ACYP2: variants seen among roughly 807,000 people sequenced by gnomAD.
The protein encoded by ACYP2 is acylphosphatase-2.
ACYP2 carries 12 observed loss-of-function variants against 11.2 expected under a neutral mutation model. The ratio of observed to expected loss-of-function variants is 1.08; its 90% CI spans 0.69 to 1.74. ACYP2 has a LOEUF of 1.74. Among genes scored for constraint, ACYP2 ranks in the 40% most tolerant of loss-of-function variants. ACYP2 has a pLI of 0.00. For missense variants in ACYP2, 134 were observed against 101.9 expected, an observed-to-expected ratio of 1.31 and a Z score of -1.35; for synonymous variants, 43 against 32.2, an observed-to-expected ratio of 1.33 and a Z score of -1.13.
At chr2:54,241,326 C>A (rs1686721403) in intron 6 of ACYP2, among the ~76,000 whole-genome samples, 2 of 152,264 alleles carry the variant, frequency 1.3e-5, no homozygotes, top group African/African-American at 4.8e-5. Context: ...TCTTGGACTG[C>A]TCTAAAAATT....
At chr2:53,989,547 T>A (rs1175600802) in intron 2 of ACYP2, among the ~76,000 whole-genome samples, 1 of 152,136 alleles carries the variant, frequency 6.6e-6, no homozygotes, top group African/African-American at 2.4e-5. Flanking sequence ...CTGAACCCAC[T>A]TGCTAGATTC....
At chr2:54,067,972 T>C (rs1676828095) in intron 4 of ACYP2, among the ~76,000 whole-genome samples, 1 of 152,204 alleles carries the variant, frequency 6.6e-6, no homozygotes, top group Non-Finnish European at 1.5e-5. Context: ...AGCAAAACAT[T>C]GAGGGAAGGA....
At chr2:54,007,427 G>C (rs1369436641) in intron 2 of ACYP2, among the ~76,000 whole-genome samples, 1 of 151,846 alleles carries the variant, frequency 6.6e-6, no homozygotes, top group Non-Finnish European at 1.5e-5. Flanking sequence ...CTAATTTTTT[G>C]TATTTTTAGC....
At chr2:54,114,787 A>C (rs939240260) in intron 4 of ACYP2, among the ~76,000 whole-genome samples, 3 of 152,094 alleles carry the variant, frequency 2.0e-5, no homozygotes, top group African/African-American at 7.2e-5. Flanking sequence ...AAAAGACTTC[A>C]TATTTTTAAA....
chr2:54,256,573 T>TTCTTCCAGTATAGGTATTACAAATATTTC (rs1346737589), intron 6 of ACYP2, among the ~76,000 whole-genome samples: 13 of 152,338 alleles, frequency 8.5e-5, no homozygotes, highest in East Asian at 1.9e-4. Context: ...TAGTCAGTCA[T>TTCTTCCAGTATAGGTATTACAAATATTTC]TCTTCCAGTA....
chr2:54,021,858 C>T (rs1395268434), intron 2 of ACYP2, among the ~76,000 whole-genome samples: 1 of 152,062 alleles, frequency 6.6e-6, no homozygotes, highest in African/African-American at 2.4e-5. Flanking sequence ...TTAGTTGAAC[C>T]ATCTGGGCAA....
chr2:53,989,685 T>TG (rs1558455882), intron 2 of ACYP2, among the ~76,000 whole-genome samples: 1 of 152,218 alleles, frequency 6.6e-6, no homozygotes. Flanking sequence ...TTAGCCACTA[T>TG]GTACTTTGTG....
At chr2:54,151,973 A>G (rs1425138210) in intron 6 of ACYP2, among the ~76,000 whole-genome samples, 1 of 152,016 alleles carries the variant, frequency 6.6e-6, no homozygotes, top group African/African-American at 2.4e-5. Context: ...GTTTCCATAT[A>G]TTTCCTCACA....
At chr2:54,114,393 A>G (rs2103724035) in intron 4 of ACYP2, among the ~76,000 whole-genome samples, 1 of 151,832 alleles carries the variant, frequency 6.6e-6, no homozygotes, top group East Asian at 1.9e-4. Context: ...AAAAAAAAAA[A>G]AAAAAAAAGG....
chr2:54,222,388 A>G (rs1310261529), intron 6 of ACYP2, among the ~76,000 whole-genome samples: 3 of 152,018 alleles, frequency 2.0e-5, no homozygotes, highest in Non-Finnish European at 2.9e-5. Flanking sequence ...CGTCTCTACT[A>G]AAAATACAAA....
intron 6 of ACYP2, among the ~76,000 whole-genome samples, chr2:54,244,462 A>G (rs578226422): frequency 6.6e-6 from 1 of 151,568 alleles, no homozygotes; most frequent in East Asian, 2.0e-4. Context: ...TCAGCCTCCC[A>G]AAGTGCTGGG....
intron 6 of ACYP2, among the ~76,000 whole-genome samples, chr2:54,206,908 A>C (rs2103921868): frequency 6.6e-6 from 1 of 152,202 alleles, no homozygotes; most frequent in African/African-American, 2.4e-5. Context: ...GTTTTTCTCA[A>C]GTTATAAAAT....
intron 2 of ACYP2, among the ~76,000 whole-genome samples, chr2:53,999,068 G>A (rs940767414): frequency 4.6e-5 from 7 of 151,872 alleles, no homozygotes; most frequent in African/African-American, 1.7e-4. Flanking sequence ...CAACTGTAAA[G>A]GAAATACAAA....
At chr2:54,083,865 G>T (rs2103669652) in intron 4 of ACYP2, among the ~76,000 whole-genome samples, 1 of 152,240 alleles carries the variant, frequency 6.6e-6, no homozygotes, top group East Asian at 1.9e-4. Flanking sequence ...TTTCAGTTTG[G>T]AGTAGTCTGA....
intron 2 of ACYP2, among the ~76,000 whole-genome samples, chr2:54,046,692 G>T (rs947307344): frequency 6.6e-5 from 10 of 152,136 alleles, no homozygotes; most frequent in African/African-American, 2.4e-4. Flanking sequence ...AGGGGTGTAT[G>T]ACCTGTCCAA....
intron 6 of ACYP2, among the ~76,000 whole-genome samples, chr2:54,193,241 T>C (rs549111954): frequency 1.7e-4 from 26 of 152,364 alleles, no homozygotes; most frequent in African/African-American, 5.8e-4. Flanking sequence ...TATTTTGTTC[T>C]AATAACAGAA....
At chr2:54,200,841 A>T (rs891687634) in intron 6 of ACYP2, among the ~76,000 whole-genome samples, 1 of 150,348 alleles carries the variant, frequency 6.7e-6, no homozygotes, top group African/African-American at 2.5e-5. Context: ...GCTGTTTTCC[A>T]AAAGTGTCTG....
intron 2 of ACYP2, among the ~76,000 whole-genome samples, chr2:53,992,513 C>T (rs1036295252): frequency 2.6e-4 from 39 of 152,230 alleles, no homozygotes; most frequent in East Asian, 1.2e-3. Flanking sequence ...GTAGTGCCAA[C>T]GGTGAGAAGT....
intron 2 of ACYP2, among the ~76,000 whole-genome samples, chr2:54,014,785 G>C (rs973319472): frequency 1.3e-5 from 2 of 151,174 alleles, no homozygotes; most frequent in African/African-American, 4.9e-5. Context: ...TTCAAGACAG[G>C]GTCTTGCTCT....
Sources: allele counts gnomAD v4.1 joint callset (sites outside exome capture counted in the v4.1 genomes callset), GRCh38; gene constraint gnomAD v4.1.1; transcripts MANE v1.5; gene names NCBI Gene and HGNC (gene_info 2026-07-23, HGNC 2026-07-21).